Variants in RAB44 observed in about 807,000 individuals in gnomAD.
RAB44 encodes the protein RAB44, member RAS oncogene family, also known as ras-related protein Rab-44.
RAB44 carries 67 observed loss-of-function variants against 93.3 expected under a neutral mutation model. The observed-to-expected ratio is 0.72, with a 90% CI of 0.59 to 0.88. The LOEUF (loss-of-function observed/expected upper bound fraction) is 0.88. Ranked by LOEUF, RAB44 falls within the 40% of genes least tolerant of loss-of-function variation. The probability of loss-of-function intolerance (pLI) is 0.00; values close to 1 mark genes in which losing one functional copy is unlikely to be tolerated. For missense variants in RAB44, 1,064 were observed against 1,261.7 expected (o/e 0.84, Z 2.37); for synonymous variants, 427 against 520.3 (o/e 0.82, Z 2.44).
In RAB44 at chr6:36,732,197, G is replaced by A. The variant is rs1249403333; in HGVS notation, c.*104G>A. On this transcript the variant is annotated 3_prime_UTR_variant, in exon 14 of 14. Coordinates refer to ENST00000612677, the MANE Select transcript of RAB44 (RefSeq NM_001257357.2). Reference sequence around the variant, plus strand: ...CAACGACACAGAGGACCAGCTTGGAGGTTCAGGAAAACCCTTCTCAACTCA... The same window carrying A: ...CAACGACACAGAGGACCAGCTTGGAAGTTCAGGAAAACCCTTCTCAACTCA... 5.6e-6 allele frequency: 4 copies of A among 709,598 alleles called. No homozygotes were observed. The highest frequency in any genetic ancestry group is 1.8e-5 in the African/African-American group (1 of 54,360). 44.0% of individuals were successfully genotyped at this position (709,598 alleles called of 1,614,324 possible). A position where few individuals can be genotyped will look rare whatever the true frequency, so the allele number is the denominator to read the frequency against.
At chr6:36,703,374 G>A (rs1562051271) in intron 1 of RAB44, among the ~76,000 whole-genome samples, 1 of 152,184 alleles carries the variant, frequency 6.6e-6, no homozygotes, top group Non-Finnish European at 1.5e-5. Context: ...CAGACAAGGG[G>A]GCACTGAGCC....
At chr6:36,730,848 GC>G in intron 13 of RAB44, 99 bp downstream of exon 13, 1 of 565,134 alleles carries the variant, frequency 1.8e-6, no homozygotes, top group Non-Finnish European at 2.6e-6. Context: ...GGACAGGAAG[GC>G]CCATTCTGAG....
At chr6:36,720,086 G>C (rs773512692) in intron 7 of RAB44, among the ~76,000 whole-genome samples, 31 of 152,222 alleles carry the variant, frequency 2.0e-4, no homozygotes, top group Non-Finnish European at 3.7e-4. Context: ...GGTGGGATTT[G>C]GCTTGGGTGT....
At chr6:36,714,252 T>C (rs1400614179) in intron 3 of RAB44, among the ~76,000 whole-genome samples, 3 of 152,152 alleles carry the variant, frequency 2.0e-5, no homozygotes, top group Admixed American at 2.0e-4. Context: ...GGGAATTCCA[T>C]GGGCCAGGGA....
rs928087640 is a variant in RAB44 at position 36,720,313 on chromosome 6, C to T, written c.829-50C>T. On this transcript the variant is annotated intron_variant, in intron 7 of 13. Transcript: ENST00000612677. ...CACAATGGCCTTGGGAGGCTTTTTG[C>T]GCCCTGGAGGGCATCTGGGCTTCTC... 16 of 1,227,414 alleles carry T rather than the reference C, an allele frequency of 1.3e-5. No individual in the cohort carries two copies. In the South Asian group the frequency reaches 3.7e-4, roughly 29 times the overall value. The allele number at this position is 1,227,414 out of a possible 1,614,324, so 76.0% of individuals were successfully genotyped here. A position where few individuals can be genotyped will look rare whatever the true frequency, so the allele number is the denominator to read the frequency against.
At position 36,721,873 on chromosome 6, in the gene RAB44, C is replaced by T; in HGVS notation, c.1739C>T (p.Ala580Val). Residue 580 changes from alanine (A) to valine (V), a missense_variant, in exon 9 of 14, where the codon GCC (alanine) becomes GTC (valine). Transcript: ENST00000612677. ...PTTALTGVGP[A>V]KPPRQRDALQ... ...ACTGCCCTCACAGGAGTGGGCCCAG[C>T]CAAGCCGCCCAGGCAGAGAGATGCC... The T allele has an allele frequency of 8.1e-7, 1 of 1,235,158 alleles. No homozygotes were observed. The highest frequency in any genetic ancestry group is 1.0e-6 in the Non-Finnish European group (1 of 988,834). 76.5% of individuals were successfully genotyped at this position (1,235,158 alleles called of 1,614,324 possible). A position where few individuals can be genotyped will look rare whatever the true frequency, so the allele number is the denominator to read the frequency against.
intron 9 of RAB44, among the ~76,000 whole-genome samples, chr6:36,725,592 T>A (rs1763217035): frequency 6.6e-6 from 1 of 152,186 alleles, no homozygotes; most frequent in Non-Finnish European, 1.5e-5. Context: ...AATAAAATAA[T>A]GAAACTTATA....
intron 1 of RAB44, among the ~76,000 whole-genome samples, chr6:36,698,666 G>A (rs188184292): frequency 6.6e-6 from 1 of 152,282 alleles, no homozygotes; most frequent in African/African-American, 2.4e-5. Flanking sequence ...GAGGCATGAG[G>A]ATGCACTAAG....
Position 36,727,643 on chromosome 6 carries a change from C to A in RAB44, c.2748C>A (p.Thr916=), listed in dbSNP as rs752287472. 6.4e-7 allele frequency: 1 copy of A among 1,550,620 alleles called. No individual in the cohort carries two copies. The highest frequency in any genetic ancestry group is 1.2e-5 in the South Asian group (1 of 84,066). ...ADGVVLMYDI[T]SQESFAHVRY... is the part of the protein sequence containing the mutation. ...GGGTGGTGCTCATGTACGACATCACCTCCCAGGAGAGCTTTGCCCACGTGC... is the reference window on the plus strand; with the variant it reads ...GGGTGGTGCTCATGTACGACATCACATCCCAGGAGAGCTTTGCCCACGTGC... The change falls in exon 11 of 14, where the codon ACC becomes ACA. Residue 916 remains threonine (T), a synonymous_variant. Coordinates refer to ENST00000612677, the MANE Select transcript of RAB44 (RefSeq NM_001257357.2).
Position 36,721,748 on chromosome 6 carries a change from C to T in RAB44, c.1614C>T (p.Pro538=), listed in dbSNP as rs1763089291. 1 of 1,234,396 alleles carries T rather than the reference C, an allele frequency of 8.1e-7. No homozygotes were observed. Among genetic ancestry groups the T allele is most frequent in the Admixed American group, 4.2e-5 (1 of 23,722 alleles). The allele number at this position is 1,234,396 out of a possible 1,614,324, so 76.5% of individuals were successfully genotyped here. Residue 538 remains proline (P), a synonymous_variant, in exon 9 of 14, where the codon CCC becomes CCT. Transcript: ENST00000612677. ...DDKGPGSWAP[P]SGAQPGAGAG... Reference sequence around the variant, plus strand: ...AGGGCCCTGGGTCTTGGGCTCCTCCCAGCGGGGCTCAGCCTGGGGCTGGAG... The same window carrying T: ...AGGGCCCTGGGTCTTGGGCTCCTCCTAGCGGGGCTCAGCCTGGGGCTGGAG...
intron 9 of RAB44, among the ~76,000 whole-genome samples, chr6:36,723,645 C>T (rs1434026104): frequency 6.6e-6 from 1 of 151,838 alleles, no homozygotes; most frequent in African/African-American, 2.4e-5. Context: ...ACCATCCCGG[C>T]TAACGCAGTG....
At chr6:36,719,206 T>C (rs1763008230) in intron 7 of RAB44, among the ~76,000 whole-genome samples, 1 of 152,186 alleles carries the variant, frequency 6.6e-6, no homozygotes, top group Admixed American at 6.5e-5. Context: ...GGTAAAATTG[T>C]GCTCTGCTGT....
At chr6:36,729,150 A>G (rs981777224) in intron 12 of RAB44, among the ~76,000 whole-genome samples, 1 of 152,216 alleles carries the variant, frequency 6.6e-6, no homozygotes, top group Non-Finnish European at 1.5e-5. Flanking sequence ...AAAATTCCCA[A>G]TCAAATTTTA....
chr6:36,705,110 CAAAA>C (rs759512832), intron 2 of RAB44, among the ~76,000 whole-genome samples: 2 of 85,484 alleles, frequency 2.3e-5, no homozygotes, highest in Non-Finnish European at 2.5e-5. Flanking sequence ...GACTCCATCT[CAAAA>C]AAAAAAAAAA....
intron 4 of RAB44, among the ~76,000 whole-genome samples, chr6:36,716,069 C>T (rs1762912993): frequency 6.6e-6 from 1 of 152,162 alleles, no homozygotes; most frequent in Non-Finnish European, 1.5e-5. Context: ...GAGTTGGGGG[C>T]GATTTCAGGC....
intron 2 of RAB44, among the ~76,000 whole-genome samples, chr6:36,708,010 A>C (rs1340463867): frequency 6.6e-6 from 1 of 152,210 alleles, no homozygotes; most frequent in Non-Finnish European, 1.5e-5. Flanking sequence ...CAGAAATTCA[A>C]GACCAGTCTG....
chr6:36,715,754 A>G, intron 4 of RAB44, 101 bp downstream of exon 4: 2 of 1,263,062 alleles, frequency 1.6e-6, no homozygotes, highest in East Asian at 2.6e-5. Flanking sequence ...GGCGCCAGGT[A>G]GAGCCAAGTG....
intron 1 of RAB44, among the ~76,000 whole-genome samples, chr6:36,698,938 G>C (rs1281172595): frequency 2.0e-5 from 3 of 152,174 alleles, no homozygotes; most frequent in African/African-American, 7.2e-5. Flanking sequence ...TGAGGGACCA[G>C]GCCTGGCCTA....
chr6:36,710,789 A>G (rs937894096), intron 2 of RAB44, among the ~76,000 whole-genome samples: 1 of 151,970 alleles, frequency 6.6e-6, no homozygotes, highest in Non-Finnish European at 1.5e-5. Flanking sequence ...ACGTGTGGCT[A>G]AGTTTTGTGT....
Sources: allele counts gnomAD v4.1 joint callset (sites outside exome capture counted in the v4.1 genomes callset), GRCh38; gene constraint gnomAD v4.1.1; transcripts MANE v1.5; gene names NCBI Gene and HGNC (gene_info 2026-07-23, HGNC 2026-07-21).